The following HIPK3 variants were observed in gnomAD, a reference collection of about 807,000 sequenced individuals.
The protein encoded by HIPK3 is homeodomain-interacting protein kinase 3.
A neutral mutation model predicts 124.2 loss-of-function variants in HIPK3; 47 were observed. The ratio of observed to expected loss-of-function variants is 0.38; its 90% CI spans 0.30 to 0.48. HIPK3 has a LOEUF of 0.48. Ranked by LOEUF, HIPK3 falls within the 20% of genes least tolerant of loss-of-function variation. HIPK3 has a pLI of 0.98. For missense variants in HIPK3, 1,286 were observed against 1,454.3 expected (o/e 0.88, Z 1.88); for synonymous variants, 482 against 515.2 (o/e 0.94, Z 0.87).
intron 1 of HIPK3, among the ~76,000 whole-genome samples, chr11:33,262,716 A>G (rs1850856230): frequency 1.3e-5 from 2 of 152,208 alleles, no homozygotes; most frequent in East Asian, 3.8e-4. Context: ...CAAACTGAGG[A>G]CCATATTTTT....
At chr11:33,308,594 C>G (rs1249955983) in intron 2 of HIPK3, among the ~76,000 whole-genome samples, 2 of 146,520 alleles carry the variant, frequency 1.4e-5, no homozygotes, top group African/African-American at 2.5e-5. Flanking sequence ...AGCACTTGAT[C>G]TACAGGTGTG....
At chr11:33,308,259 A>G (rs1852222674) in intron 2 of HIPK3, among the ~76,000 whole-genome samples, 1 of 152,132 alleles carries the variant, frequency 6.6e-6, no homozygotes, top group South Asian at 2.1e-4. Flanking sequence ...TTTATTCATC[A>G]TTTTGACTGT....
intron 2 of HIPK3, among the ~76,000 whole-genome samples, chr11:33,326,742 G>T (rs1341499075): frequency 6.6e-6 from 1 of 151,104 alleles, no homozygotes; most frequent in Non-Finnish European, 1.5e-5. Context: ...CACAATCTCA[G>T]CTCACTGCAG....
At chr11:33,323,799 A>G (rs976322265) in intron 2 of HIPK3, among the ~76,000 whole-genome samples, 8 of 152,256 alleles carry the variant, frequency 5.3e-5, no homozygotes, top group African/African-American at 1.7e-4. Flanking sequence ...GGCATTTCAG[A>G]TGTAGATTGG....
chr11:33,331,916 CAG>C (rs972239906), intron 3 of HIPK3, among the ~76,000 whole-genome samples: 2 of 152,148 alleles, frequency 1.3e-5, no homozygotes, highest in East Asian at 1.9e-4. Context: ...TCTTTAGAGA[CAG>C]AGTCTTTCTC....
At position 33,347,376 on chromosome 11, in the gene HIPK3, G is replaced by C; in HGVS notation, c.1981G>C (p.Val661Leu). 6.2e-7 allele frequency: 1 copy of C among 1,614,050 alleles called. No individual in the cohort carries two copies. The highest frequency in any genetic ancestry group is 8.5e-7 in the Non-Finnish European group (1 of 1,179,966). The change falls in exon 9 of 17, where the codon GTG becomes CTG. Residue 661 changes from valine to leucine, a missense_variant. Physicochemically the swap from Val to Leu is conservative, Grantham distance 32 (BLOSUM62 1). Transcript: ENST00000303296. ...TCCACTTGTAACTCAGGCCCCAGCT[G>C]TGCAGCCACTACAGATCCGACCAGG... The part of the protein sequence containing the change: ...TVPLVTQAPA[V>L]QPLQIRPGVL...
upstream of HIPK3, chr11:33,257,262 CCGGAGCGGAG>C: frequency 2.0e-6 from 2 of 983,446 alleles, no homozygotes; most frequent in Non-Finnish European, 2.4e-6. Context: ...GGCGCCGCGG[CCGGAGCGGAG>C]CGGAGCCGCC....
Position 33,349,182 on chromosome 11 carries a change from G to A in HIPK3, c.2702G>A (p.Ser901Asn). The A allele has an allele frequency of 6.2e-7, 1 of 1,613,922 alleles. No individual in the cohort carries two copies. Among genetic ancestry groups the A allele is most frequent in the Non-Finnish European group, 8.5e-7 (1 of 1,179,838 alleles). ...AGTCTAGATTGTGAAGCTTGCCAGA[G>A]CACTTTGAATATTGATCGGATGTGT... ...KGSLDCEACQ[S>N]TLNIDRMCSL... is the part of the protein sequence containing the mutation. Residue 901 changes from serine (S) to asparagine (N), a missense_variant, in exon 14 of 17, where the codon AGC becomes AAC. By Grantham distance (46) the Ser-to-Asn change is conservative. This residue lies in a region of HIPK3 where 810 missense variants were observed against 864.9 expected (regional missense o/e 0.94). Transcript: ENST00000303296.
At chr11:33,256,912 G>C (rs1401335223), upstream of HIPK3, among the ~76,000 whole-genome samples, 4 of 152,300 alleles carry the variant, frequency 2.6e-5, no homozygotes, top group Non-Finnish European at 4.4e-5. Context: ...TCGTTCATTT[G>C]AGCATTTCCC....
intron 2 of HIPK3, among the ~76,000 whole-genome samples, chr11:33,323,750 C>T (rs982410493): frequency 6.6e-6 from 1 of 152,142 alleles, no homozygotes; most frequent in Admixed American, 6.5e-5. Flanking sequence ...ATAAATTCAA[C>T]TAAAAGCACA....
At position 33,351,590 on chromosome 11, in the gene HIPK3, A is replaced by C; in HGVS notation, c.2808-18A>C. On this transcript the variant is annotated intron_variant, in intron 14 of 16. Coordinates refer to ENST00000303296, the MANE Select transcript of HIPK3 (RefSeq NM_005734.5). ...TTGGAAAAAAATATCACTCATAAAA[A>C]ATGCTTTCTTTTTGTAGTATGTCAG... 1 of 1,584,444 alleles carries C rather than the reference A, an allele frequency of 6.3e-7. No homozygotes were observed. Among genetic ancestry groups the C allele is most frequent in the Non-Finnish European group, 8.7e-7 (1 of 1,154,294 alleles).
rs376219341 is a variant in HIPK3, at chr11:33,348,027, C to T, written c.2306+14C>T. On this transcript the variant is annotated intron_variant, in intron 11 of 16. Transcript: ENST00000303296. ...GTGCCAGAACAGGTTGGTATTGGTG[C>T]TTTAGCTTTCCTCTGCATTTTGAGA... The T allele has an allele frequency of 1.2e-6, 2 of 1,613,722 alleles. No individual in the cohort carries two copies. Among genetic ancestry groups the T allele is most frequent in the Non-Finnish European group, 8.5e-7 (1 of 1,179,656 alleles).
intron 1 of HIPK3, among the ~76,000 whole-genome samples, chr11:33,284,402 C>G (rs1221362845): frequency 6.6e-6 from 1 of 152,168 alleles, no homozygotes; most frequent in African/African-American, 2.4e-5. Context: ...ATGCTAACCC[C>G]TGCCTAGAGG....
intron 1 of HIPK3, 150 bp downstream of exon 1, chr11:33,258,039 T>G (rs1044142289): frequency 2.3e-5 from 13 of 560,578 alleles, no homozygotes; most frequent in African/African-American, 5.1e-5. Context: ...CCGTGCCCCA[T>G]CCGCATCCCC....
At chr11:33,331,256 A>G (rs989116995) in intron 3 of HIPK3, among the ~76,000 whole-genome samples, 2 of 152,164 alleles carry the variant, frequency 1.3e-5, no homozygotes, top group African/African-American at 2.4e-5. Flanking sequence ...CCATCTCGCT[A>G]GATTGTGATC....
At chr11:33,297,778 C>CT (rs1015881408) in intron 2 of HIPK3, among the ~76,000 whole-genome samples, 4,759 of 81,956 alleles carry the variant, frequency 0.058, 647 homozygotes, top group Non-Finnish European at 0.073. Flanking sequence ...AAAGAACAGG[C>CT]TTTTTTTTTT....
At position 33,300,612 on chromosome 11, in the gene HIPK3, A is replaced by G. The variant is rs551961422; in HGVS notation, c.1097+13101A>G. Reference sequence around the variant, plus strand: ...TAACTTTTATATGTACTGGGAAACCAAAAAATTTGTGTGACTCACCTTATT... The same window carrying G: ...TAACTTTTATATGTACTGGGAAACCGAAAAATTTGTGTGACTCACCTTATT... On this transcript the variant is annotated intron_variant, in intron 2 of 16. Transcript: ENST00000303296. 2.0e-5 allele frequency among the ~76,000 whole-genome samples: 3 copies of G among 152,342 alleles called. No individual in the cohort carries two copies. The South Asian group carries it at 6.2e-4, about 32-fold the overall frequency.
chr11:33,339,612 C>G, intron 6 of HIPK3, 78 bp downstream of exon 6: 2 of 1,074,408 alleles, frequency 1.9e-6, no homozygotes, highest in African/African-American at 1.6e-5. Flanking sequence ...AGAGAAATTA[C>G]TTTTCTTCAT....
chr11:33,262,001 C>T (rs945125894), intron 1 of HIPK3, among the ~76,000 whole-genome samples: 7 of 152,028 alleles, frequency 4.6e-5, no homozygotes, highest in African/African-American at 7.2e-5. Flanking sequence ...GTTGGCCACA[C>T]GTATGTCTTT....
Sources: gnomAD v4.1 joint callset for allele counts (sites outside exome capture counted in the v4.1 genomes callset) on GRCh38, gnomAD v4.1.1 for gene constraint, gnomAD v4.1.1 regional missense constraint, MANE v1.5 for transcripts, NCBI Gene and HGNC (gene_info 2026-07-23, HGNC 2026-07-21) for gene names.